The following GABRB1 variants were observed in gnomAD, a reference collection of about 807,000 sequenced individuals.
GABRB1 encodes the protein gamma-aminobutyric acid type A receptor subunit beta1.
A neutral mutation model predicts 51.6 loss-of-function variants in GABRB1; 17 were observed. That is an observed-to-expected ratio of 0.33 (90% CI 0.23 to 0.49). The LOEUF is 0.49. GABRB1 is among the 20% of genes least tolerant of loss of function. The pLI, the probability that GABRB1 is intolerant of heterozygous loss-of-function variation, is 0.99. For missense variants in GABRB1, 410 were observed against 600.6 expected, an observed-to-expected ratio of 0.68 and a Z score of 3.32; for synonymous variants, 247 against 218.9, an observed-to-expected ratio of 1.13 and a Z score of -1.14.
chr4:47,304,962 G>C (rs1488488325), intron 4 of GABRB1, among the ~76,000 whole-genome samples: 1 of 151,984 alleles, frequency 6.6e-6, no homozygotes, highest in African/African-American at 2.4e-5. Context: ...TAACATGGGA[G>C]GAAACTCAGA....
At chr4:47,366,927 G>T (rs1266743995) in intron 5 of GABRB1, among the ~76,000 whole-genome samples, 1 of 152,056 alleles carries the variant, frequency 6.6e-6, no homozygotes, top group Non-Finnish European at 1.5e-5. Context: ...GTGACATTAT[G>T]TGTGGCATAT....
intron 3 of GABRB1, among the ~76,000 whole-genome samples, chr4:47,106,110 A>G (rs113914832): frequency 6.6e-6 from 1 of 152,040 alleles, no homozygotes; most frequent in Admixed American, 6.6e-5. Flanking sequence ...TTTTGTTGCT[A>G]TTCATTTAAG....
chr4:47,033,665 C>A (rs1725433564), intron 3 of GABRB1, among the ~76,000 whole-genome samples: 1 of 151,890 alleles, frequency 6.6e-6, no homozygotes, highest in Admixed American at 6.6e-5. Flanking sequence ...TTTAAGAATT[C>A]TTTTCTTTTC....
At chr4:47,170,625 T>C (rs943261968) in intron 4 of GABRB1, among the ~76,000 whole-genome samples, 18 of 152,204 alleles carry the variant, frequency 1.2e-4, no homozygotes, top group African/African-American at 4.1e-4. Flanking sequence ...TAGGTAAAAA[T>C]ACTGTGCGGT....
chr4:47,405,521 T>C (rs1175677093), intron 7 of GABRB1, among the ~76,000 whole-genome samples: 1 of 152,160 alleles, frequency 6.6e-6, no homozygotes, highest in Non-Finnish European at 1.5e-5. Flanking sequence ...TGTGTAACAT[T>C]TCTATGCTCT....
intron 4 of GABRB1, among the ~76,000 whole-genome samples, chr4:47,279,860 A>T (rs530842918): frequency 1.8e-4 from 26 of 148,500 alleles, no homozygotes; most frequent in South Asian, 4.2e-4. Context: ...TTTTTTTTTT[A>T]AATTCATTCA....
chr4:47,025,085 A>G (rs1459536208), intron 1 of GABRB1, among the ~76,000 whole-genome samples: 2 of 150,150 alleles, frequency 1.3e-5, no homozygotes, highest in African/African-American at 2.4e-5. Context: ...TATATATCAC[A>G]TATATCACAT....
Position 47,426,027 on chromosome 4 carries a change from C to G in GABRB1, c.*9C>G, listed in dbSNP as rs1447756614. 6 of 1,542,560 alleles carry G rather than the reference C, an allele frequency of 3.9e-6. No homozygotes were observed. The highest frequency in any genetic ancestry group is 5.3e-6 in the Non-Finnish European group (6 of 1,140,956). ...TTTACTATGTACACTGAGGTCTGTT[C>G]TAATGGTTCCATTTAGACTACTTTC... On this transcript the variant is annotated 3_prime_UTR_variant, in exon 9 of 9. Transcript: ENST00000295454.
chr4:47,290,993 G>A lies in GABRB1; in HGVS notation c.462-29134G>A, dbSNP rs185855174. 2.0e-3 allele frequency among the ~76,000 whole-genome samples: 300 copies of A among 152,322 alleles called. 1 individual carries two copies. Among genetic ancestry groups the A allele is most frequent in the Non-Finnish European group, 3.5e-3 (240 of 68,038 alleles). ...TGCAGAAATTTGCATAAGTAAGGAG[G>A]AGCCCAATGTTAATTCCCAAGACAA... On this transcript the variant is annotated intron_variant, in intron 4 of 8. Transcript: ENST00000295454.
intron 4 of GABRB1, among the ~76,000 whole-genome samples, chr4:47,299,691 A>C (rs1303242389): frequency 6.6e-6 from 1 of 152,156 alleles, no homozygotes; most frequent in African/African-American, 2.4e-5. Context: ...GCGATTCCTC[A>C]GGAATCTAGA....
At chr4:47,153,045 C>T (rs6447536) in intron 3 of GABRB1, among the ~76,000 whole-genome samples, 130,679 of 151,910 alleles carry the variant, frequency 0.86, 56,226 homozygotes, top group African/African-American at 0.9. Context: ...GGGAATTTCA[C>T]GCACGGAGCT....
chr4:47,309,430 A>G (rs910712344), intron 4 of GABRB1, among the ~76,000 whole-genome samples: 5 of 152,144 alleles, frequency 3.3e-5, no homozygotes, highest in African/African-American at 1.2e-4. Flanking sequence ...CTGGGATTGC[A>G]CTGAGAAGAG....
At chr4:47,151,943 AT>A (rs762783572) in intron 3 of GABRB1, among the ~76,000 whole-genome samples, 1 of 152,040 alleles carries the variant, frequency 6.6e-6, no homozygotes, top group African/African-American at 2.4e-5. Context: ...AATCAATAAA[AT>A]ATCACTTTGA....
chr4:47,303,367 GCTCT>G (rs71602426), intron 4 of GABRB1, among the ~76,000 whole-genome samples: 70 of 138,382 alleles, frequency 5.1e-4, no homozygotes, highest in African/African-American at 9.4e-4. Context: ...TTGAAGGTGT[GCTCT>G]CTCTCTCTCT....
intron 5 of GABRB1, among the ~76,000 whole-genome samples, chr4:47,337,455 G>A (rs1481319851): frequency 6.6e-6 from 1 of 152,052 alleles, no homozygotes; most frequent in East Asian, 1.9e-4. Context: ...GCCTCAGTGG[G>A]CATAAAGGAG....
intron 4 of GABRB1, among the ~76,000 whole-genome samples, chr4:47,258,587 A>T (rs1319884191): frequency 6.6e-6 from 1 of 152,226 alleles, no homozygotes; most frequent in Non-Finnish European, 1.5e-5. Context: ...TTGTAAAGTG[A>T]CCACAAATAT....
chr4:47,242,484 C>G (rs1388604326), intron 4 of GABRB1, among the ~76,000 whole-genome samples: 2 of 152,218 alleles, frequency 1.3e-5, no homozygotes, highest in African/African-American at 4.8e-5. Context: ...AATGGTTGAA[C>G]TAGCTTACAG....
intron 3 of GABRB1, among the ~76,000 whole-genome samples, chr4:47,153,106 AG>A (rs1263196711): frequency 6.6e-6 from 1 of 152,028 alleles, no homozygotes; most frequent in African/African-American, 2.4e-5. Flanking sequence ...ACAGTGGAAA[AG>A]CCTGGAAATA....
rs1577953656 is a variant in GABRB1 at position 47,150,408 on chromosome 4, C to T, written c.241-10841C>T. On this transcript the variant is annotated intron_variant, in intron 3 of 8. Coordinates refer to ENST00000295454, the MANE Select transcript of GABRB1 (RefSeq NM_000812.4). ...GAGAGAGAGAGATGTAGAAGAGATT[C>T]GTTGCAGAATTGTTTTAGTTGTAAA... 2.7e-5 allele frequency among the ~76,000 whole-genome samples: 4 copies of T among 149,370 alleles called. No homozygotes were observed. The South Asian group carries it at 6.4e-4, about 24-fold the overall frequency.
Sources: gnomAD v4.1 joint callset for allele counts (sites outside exome capture counted in the v4.1 genomes callset) on GRCh38, gnomAD v4.1.1 for gene constraint, MANE v1.5 for transcripts, NCBI Gene and HGNC (gene_info 2026-07-23, HGNC 2026-07-21) for gene names.